The following NHERF2 variants were observed in gnomAD, a reference collection of about 807,000 sequenced individuals.
NHERF2 encodes Na(+)/H(+) exchange regulatory cofactor NHE-RF2.
the NHERF2 span, chr16:2,035,473 C>G: frequency 1.8e-4 from 181 of 986,000 alleles, no homozygotes; most frequent in Non-Finnish European, 2.1e-4. Flanking sequence ...GCCCCCAGCC[C>G]GCCTGCACAG....
the NHERF2 span, among the ~76,000 whole-genome samples, chr16:2,030,288 C>T: frequency 1.3e-5 from 2 of 152,152 alleles, no homozygotes. Flanking sequence ...CCAGGCCTGG[C>T]GTAGGTGGGG....
chr16:2,038,682 C>T, the NHERF2 span: 10 of 245,482 alleles, frequency 4.1e-5, no homozygotes, highest in African/African-American at 2.4e-5. Flanking sequence ...TGCTCCCCAC[C>T]CAGCTACCCT....
chr16:2,036,187 G>A, the NHERF2 span: 1 of 839,558 alleles, frequency 1.2e-6, no homozygotes, highest in Non-Finnish European at 1.8e-6. Flanking sequence ...TGGGTGCCCG[G>A]AGTGTTTGCC....
At chr16:2,037,139 C>A in the NHERF2 span, 4 of 1,059,290 alleles carry the variant, frequency 3.8e-6, no homozygotes, top group East Asian at 1.0e-4. Context: ...CCTTTAATGC[C>A]CCTGTGGGTC....
chr16:2,038,091 C>A, the NHERF2 span: 1 of 1,401,512 alleles, frequency 7.1e-7, no homozygotes, highest in South Asian at 1.3e-5. Flanking sequence ...GTGGTCCTGC[C>A]ATTGCCCAGA....
chr16:2,034,109 C>G, the NHERF2 span, among the ~76,000 whole-genome samples: 1 of 152,202 alleles, frequency 6.6e-6, no homozygotes, highest in Admixed American at 6.5e-5. Flanking sequence ...CTGAGAAACC[C>G]TGCCCCGCAG....
chr16:2,029,477 C>A, the NHERF2 span: 5 of 1,110,410 alleles, frequency 4.5e-6, no homozygotes, highest in Non-Finnish European at 6.6e-6. Context: ...CCCATGCAGA[C>A]CAGCCGCCTG....
chr16:2,029,466 G>A, the NHERF2 span: 15 of 965,104 alleles, frequency 1.6e-5, no homozygotes, highest in Non-Finnish European at 1.6e-5. Flanking sequence ...GCAGCCACCC[G>A]CCCATGCAGA....
the NHERF2 span, among the ~76,000 whole-genome samples, chr16:2,031,037 G>T: frequency 6.6e-6 from 1 of 152,234 alleles, no homozygotes; most frequent in Non-Finnish European, 1.5e-5. Context: ...TGGGGCAGGG[G>T]TGTGGGATCT....
chr16:2,037,717 C>T, the NHERF2 span: 2 of 1,550,818 alleles, frequency 1.3e-6, no homozygotes, highest in Non-Finnish European at 1.7e-6. Context: ...TCCTCGTGAG[C>T]CCCAGCCCCA....
the NHERF2 span, chr16:2,029,736 C>T: frequency 6.4e-7 from 1 of 1,555,552 alleles, no homozygotes. Flanking sequence ...GAGCCGAAGC[C>T]AGACTGGGCA....
chr16:2,031,064 A>G, the NHERF2 span, among the ~76,000 whole-genome samples: 1 of 152,210 alleles, frequency 6.6e-6, no homozygotes, highest in Non-Finnish European at 1.5e-5. Flanking sequence ...CTGAGGGTGC[A>G]GGGGATATAC....
the NHERF2 span, among the ~76,000 whole-genome samples, chr16:2,030,408 C>G: frequency 6.6e-6 from 1 of 152,156 alleles, no homozygotes; most frequent in South Asian, 2.1e-4. Context: ...TCCTCCTGGA[C>G]TCCTGCTGGG....
At chr16:2,032,089 G>C in the NHERF2 span, among the ~76,000 whole-genome samples, 4 of 150,168 alleles carry the variant, frequency 2.7e-5, no homozygotes, top group East Asian at 7.8e-4. This position sits in a 1 kb window ranked among gnomAD's most constrained non-coding sequence, Gnocchi z 4.0. Context: ...GTGCGATCTC[G>C]GCTCACTGCA....
the NHERF2 span, among the ~76,000 whole-genome samples, chr16:2,032,108 C>G: frequency 1.3e-5 from 2 of 149,260 alleles, no homozygotes; most frequent in African/African-American, 2.5e-5. This position sits in a 1 kb window ranked among gnomAD's most constrained non-coding sequence, Gnocchi z 4.0. Flanking sequence ...CAAGCTCCGC[C>G]TCCTGGGTTC....
the NHERF2 span, among the ~76,000 whole-genome samples, chr16:2,032,443 T>C: frequency 8.5e-5 from 13 of 152,306 alleles, no homozygotes; most frequent in Admixed American, 8.5e-4. The surrounding 1 kb of genome is among the most constrained non-coding windows in gnomAD (Gnocchi z 4.0). Context: ...ATGCCTCAGA[T>C]GGTCAGGGAG....
At chr16:2,037,466 C>T in the NHERF2 span, 13 of 1,356,168 alleles carry the variant, frequency 9.6e-6, no homozygotes, top group South Asian at 9.9e-5. Context: ...GGGGGTGTGC[C>T]TCTGTGCACA....
At chr16:2,033,065 C>T in the NHERF2 span, 46 of 1,315,070 alleles carry the variant, frequency 3.5e-5, no homozygotes, top group Non-Finnish European at 2.7e-5. Flanking sequence ...CCTGTCCCCT[C>T]AGCCCTGGGT....
At chr16:2,033,556 C>T in the NHERF2 span, 1 of 1,041,886 alleles carries the variant, frequency 9.6e-7, no homozygotes, top group South Asian at 1.7e-5. Context: ...ACAATGAAGG[C>T]CTTTCTCTGC....
Sources: gnomAD v4.1 joint callset for allele counts (sites outside exome capture counted in the v4.1 genomes callset) on GRCh38, gnomAD v4.1.1 for gene constraint, Gnocchi (gnomAD v3.1) non-coding constraint, MANE v1.5 for transcripts, NCBI Gene and HGNC (gene_info 2026-07-23, HGNC 2026-07-21) for gene names.